KIF6: variants seen among roughly 807,000 people sequenced by gnomAD.
KIF6 encodes the protein kinesin-like protein KIF6.
A neutral mutation model predicts 112.7 loss-of-function variants in KIF6; 106 were observed. The observed-to-expected ratio is 0.94, with a 90% CI of 0.80 to 1.11. KIF6 has a LOEUF of 1.11. KIF6 is among the 50% of genes least tolerant of loss of function. The probability of loss-of-function intolerance (pLI) is 0.00; values close to 1 mark genes in which losing one functional copy is unlikely to be tolerated. For synonymous variants in KIF6, 339 were observed against 339.9 expected, an observed-to-expected ratio of 1.00 and a Z score of 0.03; for missense variants, 929 against 964.0, an observed-to-expected ratio of 0.96 and a Z score of 0.48.
At chr6:39,519,339 T>C (rs1436387434) in intron 13 of KIF6, among the ~76,000 whole-genome samples, 8 of 152,158 alleles carry the variant, frequency 5.3e-5, no homozygotes, top group Non-Finnish European at 2.9e-5. Context: ...CAAGACATAG[T>C]TTATCATGTC....
intron 14 of KIF6, among the ~76,000 whole-genome samples, chr6:39,420,733 G>A (rs1046199864): frequency 6.6e-5 from 10 of 152,002 alleles, no homozygotes; most frequent in African/African-American, 1.5e-4. Context: ...TATCCACCCC[G>A]TCTTTTATAG....
chr6:39,714,612 G>T, intron 3 of KIF6, 80 bp downstream of exon 3: 1 of 907,486 alleles, frequency 1.1e-6, no homozygotes, highest in Non-Finnish European at 1.8e-6. Context: ...ATACACTTAA[G>T]CACACTACCA....
intron 15 of KIF6, among the ~76,000 whole-genome samples, chr6:39,389,026 GC>G (rs1301111299): frequency 6.6e-6 from 1 of 152,176 alleles, no homozygotes; most frequent in Non-Finnish European, 1.5e-5. Context: ...ATTGTGGGTG[GC>G]AGCGGGGAGC....
intron 3 of KIF6, among the ~76,000 whole-genome samples, chr6:39,668,887 T>G (rs543187619): frequency 6.6e-6 from 1 of 152,168 alleles, no homozygotes; most frequent in Non-Finnish European, 1.5e-5. Context: ...AAAATGAAAT[T>G]TATGTGGAAA....
intron 5 of KIF6, among the ~76,000 whole-genome samples, chr6:39,634,158 T>C (rs1199712910): frequency 2.0e-5 from 3 of 152,144 alleles, no homozygotes; most frequent in African/African-American, 7.2e-5. Flanking sequence ...TAAAGATACA[T>C]TTTCTTGGCT....
At chr6:39,601,681 C>T (rs567272862) in intron 6 of KIF6, among the ~76,000 whole-genome samples, 2 of 150,378 alleles carry the variant, frequency 1.3e-5, no homozygotes, top group African/African-American at 2.4e-5. Flanking sequence ...GGATTTGCTC[C>T]AGCCCTTACA....
chr6:39,457,583 C>G (rs1156704341), intron 13 of KIF6, among the ~76,000 whole-genome samples: 4 of 151,762 alleles, frequency 2.6e-5, no homozygotes, highest in Non-Finnish European at 5.9e-5. Flanking sequence ...AATCCAGGAG[C>G]TGGTTTTTTG....
At chr6:39,578,426 G>A (rs1265422377) in intron 9 of KIF6, among the ~76,000 whole-genome samples, 1 of 146,116 alleles carries the variant, frequency 6.8e-6, no homozygotes, top group Non-Finnish European at 1.5e-5. Flanking sequence ...TCCGCCTCCC[G>A]GGTTCAAGCG....
chr6:39,629,160 T>C (rs1333062912), intron 5 of KIF6, among the ~76,000 whole-genome samples: 2 of 152,148 alleles, frequency 1.3e-5, no homozygotes, highest in Non-Finnish European at 2.9e-5. Context: ...TGTGTAGACA[T>C]AAGTTTTCAA....
At chr6:39,672,630 A>C (rs1786889778) in intron 3 of KIF6, among the ~76,000 whole-genome samples, 1 of 152,206 alleles carries the variant, frequency 6.6e-6, no homozygotes, top group South Asian at 2.1e-4. Flanking sequence ...AAGGCTGGAA[A>C]GTCCACAATC....
At chr6:39,700,226 T>C (rs1788802921) in intron 3 of KIF6, among the ~76,000 whole-genome samples, 1 of 152,228 alleles carries the variant, frequency 6.6e-6, no homozygotes, top group African/African-American at 2.4e-5. Context: ...TGTTGTGCTA[T>C]TCAATAGTAG....
intron 13 of KIF6, among the ~76,000 whole-genome samples, chr6:39,494,813 A>G (rs1432777748): frequency 4.0e-5 from 6 of 151,570 alleles, no homozygotes; most frequent in Non-Finnish European, 8.8e-5. Context: ...TTCATTTTTT[A>G]CAGACAAAAA....
intron 13 of KIF6, among the ~76,000 whole-genome samples, chr6:39,440,118 C>T (rs1337148558): frequency 3.3e-5 from 5 of 151,318 alleles, no homozygotes; most frequent in South Asian, 2.1e-4. Context: ...CAGCAGGGGA[C>T]GATGAACAGT....
At chr6:39,405,292 C>T (rs1366025434) in intron 15 of KIF6, among the ~76,000 whole-genome samples, 1 of 152,094 alleles carries the variant, frequency 6.6e-6, no homozygotes, top group Non-Finnish European at 1.5e-5. Context: ...TGTCTTGCTG[C>T]CGATCTTAGA....
chr6:39,451,661 G>C (rs1772709528), intron 13 of KIF6, among the ~76,000 whole-genome samples: 1 of 152,124 alleles, frequency 6.6e-6, no homozygotes, highest in Admixed American at 6.5e-5. Context: ...TGGCTGTGAG[G>C]ATGGAATGTT....
rs572942697 is a variant in KIF6 at position 39,554,157 on chromosome 6, G to A, written c.1182-8469C>T. The A allele has an allele frequency of 2.0e-4, 31 of 157,784 alleles. 1 individual carries two copies. The highest frequency in any genetic ancestry group is 5.7e-4 in the East Asian group (3 of 5,236). 9.8% of individuals were successfully genotyped at this position (157,784 alleles called of 1,614,324 possible). On this transcript the variant is annotated intron_variant, in intron 10 of 22. Transcript: ENST00000287152. ...AACCGCAGAAGCAAGAGCAAAAACC[G>A]GACCAGCACAAGGTGTGGGGGAAGC...
intron 10 of KIF6, among the ~76,000 whole-genome samples, chr6:39,560,655 G>T (rs1486424374): frequency 1.3e-5 from 2 of 152,106 alleles, no homozygotes; most frequent in Non-Finnish European, 2.9e-5. Context: ...GTAGAATTTT[G>T]ACTTTATATT....
At chr6:39,419,568 C>T (rs9462543) in intron 15 of KIF6, among the ~76,000 whole-genome samples, 121,043 of 151,910 alleles carry the variant, frequency 0.8, 49,656 homozygotes, top group Middle Eastern at 0.91. Context: ...ATATGCTAAG[C>T]AGAAGCTTTG....
At chr6:39,408,607 A>G (rs966059967) in intron 15 of KIF6, among the ~76,000 whole-genome samples, 4 of 152,056 alleles carry the variant, frequency 2.6e-5, no homozygotes, top group Non-Finnish European at 4.4e-5. Context: ...ACAAAACAAG[A>G]TATCTTTGTA....
Sources: allele counts gnomAD v4.1 joint callset (sites outside exome capture counted in the v4.1 genomes callset), GRCh38; gene constraint gnomAD v4.1.1; transcripts MANE v1.5; gene names NCBI Gene and HGNC (gene_info 2026-07-23, HGNC 2026-07-21).